HDAC9: variants seen among roughly 807,000 people sequenced by gnomAD.
HDAC9 encodes the protein histone deacetylase 9, also known as MEF-2 interacting transcription repressor (MITR) protein.
A neutral mutation model predicts 139.4 loss-of-function variants in HDAC9; 41 were observed. That is an observed-to-expected ratio of 0.29 (90% CI 0.23 to 0.38). The LOEUF is 0.38. Among genes scored for constraint, HDAC9 ranks in the 10% least tolerant of loss-of-function variants. The pLI, the probability that HDAC9 is intolerant of heterozygous loss-of-function variation, is 1.00. For missense variants in HDAC9, 1,147 were observed against 1,297.0 expected (o/e 0.88, Z 1.78); for synonymous variants, 517 against 476.2 (o/e 1.09, Z -1.12).
rs555310796 is a variant in HDAC9 at position 18,353,455 on chromosome 7, G to T, written c.-42+62940G>T. On this transcript the variant is annotated intron_variant, in intron 1 of 3. Coordinates refer to the HDAC9 transcript ENST00000413509. ...TGACATAGTCTTGTTATACCACAAA[G>T]AATTAAAGAATGTTAAGTAAATGAC... Among the ~76,000 whole-genome samples the T allele has an allele frequency of 8.5e-5, 13 of 152,188 alleles. No homozygotes were observed. In the South Asian group the frequency reaches 2.5e-3, roughly 29 times the overall value.
At chr7:18,186,797 C>G (rs994712462) in intron 2 of HDAC9, among the ~76,000 whole-genome samples, 7 of 152,132 alleles carry the variant, frequency 4.6e-5, no homozygotes, top group Non-Finnish European at 7.4e-5. Context: ...TGTAAAAACT[C>G]TAAATAAAGC....
chr7:18,738,673 GTGTCTGGC>G (rs1787156110), intron 13 of HDAC9, among the ~76,000 whole-genome samples: 1 of 152,102 alleles, frequency 6.6e-6, no homozygotes, highest in African/African-American at 2.4e-5. Context: ...CCCGACCTTT[GTGTCTGGC>G]TGCCCTTAAC....
chr7:18,354,045 A>G (rs1481204837), intron 1 of HDAC9, among the ~76,000 whole-genome samples: 1 of 152,126 alleles, frequency 6.6e-6, no homozygotes, highest in African/African-American at 2.4e-5. Context: ...GGACTTAGCA[A>G]ATTCTGGGTT....
intron 1 of HDAC9, among the ~76,000 whole-genome samples, chr7:18,297,397 A>G (rs963661741): frequency 1.3e-5 from 2 of 152,056 alleles, no homozygotes; most frequent in South Asian, 2.1e-4. Flanking sequence ...GGACCAAAGA[A>G]TTTTGCACCA....
At chr7:18,500,627 T>C (rs933280259) in intron 2 of HDAC9, among the ~76,000 whole-genome samples, 3 of 152,168 alleles carry the variant, frequency 2.0e-5, no homozygotes, top group Non-Finnish European at 4.4e-5. Context: ...TGTTCTTGTT[T>C]TCTCTTGTGG....
intron 1 of HDAC9, among the ~76,000 whole-genome samples, chr7:18,137,894 T>C (rs1785552771): frequency 6.6e-6 from 1 of 152,006 alleles, no homozygotes; most frequent in South Asian, 2.1e-4. Flanking sequence ...CAGTTCCTCC[T>C]TGTACCTCTG....
rs531778310 is a variant in HDAC9, at chr7:18,990,633, G to A, written c.3171-5390G>A. On this transcript the variant is annotated intron_variant, in intron 25 of 25. Transcript: ENST00000686413. The stretch of plus-strand genomic sequence containing the variant: ...TAAGCAAGGCTGGGCAATGGCGGGC[G>A]CCCCTCCCCCAGCCTGGCTGCCGCC... 4.5e-4 allele frequency among the ~76,000 whole-genome samples: 69 copies of A among 152,328 alleles called. 1 individual carries two copies. The highest frequency in any genetic ancestry group is 3.4e-3 in the Middle Eastern group (1 of 294).
intron 22 of HDAC9, among the ~76,000 whole-genome samples, chr7:18,899,632 C>T (rs1255036876): frequency 2.0e-5 from 3 of 151,688 alleles, no homozygotes; most frequent in Non-Finnish European, 4.4e-5. Context: ...GTTAGCTTAC[C>T]TTATAAATAA....
Position 18,597,228 on chromosome 7 carries a change from C to T in HDAC9, c.664+3199C>T, listed in dbSNP as rs180878902. On this transcript the variant is annotated intron_variant, in intron 6 of 25. Transcript: ENST00000686413. ...AAAATGTAAGAATGGAGTGACTTCTCCTCCTTTCACAACAACATCAAAGGC... is the reference window on the plus strand; with the variant it reads ...AAAATGTAAGAATGGAGTGACTTCTTCTCCTTTCACAACAACATCAAAGGC... Among the ~76,000 whole-genome samples, 177 of 152,236 alleles carry T rather than the reference C, an allele frequency of 1.2e-3. 2 individuals are homozygous for T. The highest frequency in any genetic ancestry group is 7.8e-3 in the Admixed American group (119 of 15,270).
intron 1 of HDAC9, among the ~76,000 whole-genome samples, chr7:18,411,843 TCAGA>T (rs1788588802): frequency 2.0e-5 from 2 of 101,970 alleles, no homozygotes; most frequent in Admixed American, 1.0e-4. Context: ...TTTTTTTTTA[TCAGA>T]CAGGGTCTCA....
intron 22 of HDAC9, among the ~76,000 whole-genome samples, chr7:18,898,284 A>G (rs1235556474): frequency 1.3e-5 from 2 of 151,944 alleles, no homozygotes; most frequent in African/African-American, 2.4e-5. Flanking sequence ...GAAGAAGTAC[A>G]TCAGATTACC....
At chr7:18,383,181 A>G (rs769765557) in intron 1 of HDAC9, among the ~76,000 whole-genome samples, 2 of 152,236 alleles carry the variant, frequency 1.3e-5, no homozygotes, top group Non-Finnish European at 2.9e-5. Context: ...CACCCAGCCT[A>G]CAAGATATTA....
At chr7:18,655,143 T>C (rs1169351700) in intron 11 of HDAC9, among the ~76,000 whole-genome samples, 1 of 152,162 alleles carries the variant, frequency 6.6e-6, no homozygotes, top group Non-Finnish European at 1.5e-5. Context: ...TTTTGAAAAA[T>C]GGATGAGTAG....
chr7:18,674,664 G>A (rs1053029619), intron 12 of HDAC9, among the ~76,000 whole-genome samples: 1 of 151,922 alleles, frequency 6.6e-6, no homozygotes, highest in Non-Finnish European at 1.5e-5. Flanking sequence ...TTCTTATTCA[G>A]ATGTAAATGG....
At chr7:18,913,395 A>C (rs1009565974) in intron 22 of HDAC9, among the ~76,000 whole-genome samples, 1 of 152,096 alleles carries the variant, frequency 6.6e-6, no homozygotes, top group Non-Finnish European at 1.5e-5. Context: ...ATGATTATTT[A>C]ATACTTAAGG....
chr7:18,663,785 C>A (rs1041716464), intron 11 of HDAC9, among the ~76,000 whole-genome samples: 1 of 152,164 alleles, frequency 6.6e-6, no homozygotes, highest in African/African-American at 2.4e-5. Context: ...TGATGGGCTC[C>A]TGCAGCCTCC....
At chr7:18,775,857 C>G (rs537309464) in intron 16 of HDAC9, among the ~76,000 whole-genome samples, 1 of 152,102 alleles carries the variant, frequency 6.6e-6, no homozygotes, top group East Asian at 1.9e-4. Context: ...GAACCAGATT[C>G]AAATTCAGTA....
At chr7:18,174,377 C>A (rs1788709204) in intron 2 of HDAC9, among the ~76,000 whole-genome samples, 1 of 152,052 alleles carries the variant, frequency 6.6e-6, no homozygotes, top group African/African-American at 2.4e-5. Flanking sequence ...TTTTAGCTTC[C>A]TTGCGATGGG....
At chr7:18,348,515 C>T (rs937741004) in intron 1 of HDAC9, among the ~76,000 whole-genome samples, 1 of 152,068 alleles carries the variant, frequency 6.6e-6, no homozygotes, top group South Asian at 2.1e-4. Flanking sequence ...TGTTTTTAGG[C>T]ATCTATTATA....
Sources: gnomAD v4.1 joint callset for allele counts (sites outside exome capture counted in the v4.1 genomes callset) on GRCh38, gnomAD v4.1.1 for gene constraint, MANE v1.5 for transcripts, NCBI Gene and HGNC (gene_info 2026-07-23, HGNC 2026-07-21) for gene names.